The following PDGFD variants were observed in gnomAD, a reference collection of about 807,000 sequenced individuals.
PDGFD encodes platelet derived growth factor D.
In PDGFD, 30 loss-of-function variants were observed where a neutral mutation model predicts 44.7. The ratio of observed to expected loss-of-function variants is 0.67; its 90% CI spans 0.50 to 0.91. The LOEUF (loss-of-function observed/expected upper bound fraction) is 0.91. PDGFD is among the 40% of genes least tolerant of loss of function. The pLI is 0.00. For missense variants in PDGFD, 445 were observed against 457.8 expected, an observed-to-expected ratio of 0.97 and a Z score of 0.25; for synonymous variants, 173 against 168.4, an observed-to-expected ratio of 1.03 and a Z score of -0.21.
chr11:104,039,158 T>C lies in PDGFD; in HGVS notation c.125-38903A>G, dbSNP rs1388061283. 1.8e-5 allele frequency: 3 copies of C among 167,000 alleles called. No individual in the cohort carries two copies. In the South Asian group the frequency reaches 6.2e-4, roughly 35 times the overall value. The allele number at this position is 167,000 out of a possible 1,614,324, so 10.3% of individuals were successfully genotyped here. ...AGGGGAAATGTTTCAGGACAATAAT[T>C]TATCAAAACTAGTATTAAAACAGCG... is the stretch of plus-strand genomic sequence containing the variant. On this transcript the variant is annotated intron_variant, in intron 1 of 6. Coordinates refer to ENST00000393158, the MANE Select transcript of PDGFD (RefSeq NM_025208.5).
At chr11:104,058,834 G>A (rs1284286956) in intron 1 of PDGFD, among the ~76,000 whole-genome samples, 1 of 152,150 alleles carries the variant, frequency 6.6e-6, no homozygotes, top group Non-Finnish European at 1.5e-5. Context: ...ATTCAACAAC[G>A]TGAACGAATA....
intron 1 of PDGFD, among the ~76,000 whole-genome samples, chr11:104,125,176 G>C (rs991451384): frequency 6.6e-6 from 1 of 152,078 alleles, no homozygotes; most frequent in Non-Finnish European, 1.5e-5. Context: ...CTCACTGATG[G>C]TTAGAAAATG....
intron 1 of PDGFD, among the ~76,000 whole-genome samples, chr11:104,137,307 A>G (rs756689175): frequency 2.0e-5 from 3 of 152,150 alleles, no homozygotes; most frequent in Non-Finnish European, 1.5e-5. Flanking sequence ...GAGAGATTCA[A>G]TCCTTGCTCT....
chr11:104,086,573 C>T (rs1232212003), intron 1 of PDGFD, among the ~76,000 whole-genome samples: 1 of 152,096 alleles, frequency 6.6e-6, no homozygotes, highest in Non-Finnish European at 1.5e-5. Flanking sequence ...TTAATGATTC[C>T]ATTTTTCCTC....
intron 1 of PDGFD, among the ~76,000 whole-genome samples, chr11:104,075,176 G>A (rs1296309802): frequency 6.6e-6 from 1 of 152,090 alleles, no homozygotes; most frequent in Non-Finnish European, 1.5e-5. Flanking sequence ...CACAGGTGGG[G>A]ACTATAATTT....
intron 1 of PDGFD, among the ~76,000 whole-genome samples, chr11:104,107,491 G>A (rs1861488789): frequency 6.6e-6 from 1 of 152,126 alleles, no homozygotes; most frequent in African/African-American, 2.4e-5. Context: ...ACTGTGCCTG[G>A]ATTTCTGAGT....
chr11:103,919,379 T>C (rs568257774), intron 6 of PDGFD, among the ~76,000 whole-genome samples: 1 of 151,928 alleles, frequency 6.6e-6, no homozygotes, highest in East Asian at 1.9e-4. Flanking sequence ...ATTGAGAATA[T>C]AAAAAAAGGC....
chr11:104,039,280 T>G (rs1235352684), intron 1 of PDGFD: 1 of 162,666 alleles, frequency 6.1e-6, no homozygotes, highest in Non-Finnish European at 1.5e-5. Context: ...CTAATAATTT[T>G]TTTTTTCCTG....
intron 1 of PDGFD, among the ~76,000 whole-genome samples, chr11:104,089,001 T>C: frequency 6.6e-6 from 1 of 152,062 alleles, no homozygotes; most frequent in East Asian, 1.9e-4. Flanking sequence ...TTTAAGGACT[T>C]CCAAAAGCTA....
At chr11:103,918,203 G>C (rs567393140) in intron 6 of PDGFD, among the ~76,000 whole-genome samples, 4 of 152,308 alleles carry the variant, frequency 2.6e-5, no homozygotes, top group Admixed American at 2.6e-4. Context: ...CCAAAGGCCA[G>C]TTTTGATAGT....
intron 4 of PDGFD, among the ~76,000 whole-genome samples, chr11:103,946,199 G>A (rs929867317): frequency 1.3e-5 from 2 of 152,198 alleles, no homozygotes; most frequent in African/African-American, 4.8e-5. Context: ...CAAAAACAAA[G>A]TATGGTTTAA....
chr11:104,076,620 C>T (rs1164610259), intron 1 of PDGFD, among the ~76,000 whole-genome samples: 2 of 152,136 alleles, frequency 1.3e-5, no homozygotes, highest in African/African-American at 2.4e-5. Context: ...AAAAATCAAT[C>T]CAAGGAGGCT....
intron 1 of PDGFD, among the ~76,000 whole-genome samples, chr11:104,111,848 T>A (rs991923808): frequency 3.3e-5 from 5 of 152,124 alleles, no homozygotes; most frequent in African/African-American, 1.2e-4. Context: ...GTAAAACAGG[T>A]CAGATATTTA....
chr11:104,064,180 C>T (rs1396800046), intron 1 of PDGFD, among the ~76,000 whole-genome samples: 2 of 152,208 alleles, frequency 1.3e-5, no homozygotes, highest in African/African-American at 2.4e-5. Flanking sequence ...GTTGCCTTTA[C>T]AATGTGTTCT....
intron 3 of PDGFD, among the ~76,000 whole-genome samples, chr11:103,953,492 T>G (rs912236339): frequency 6.6e-6 from 1 of 151,956 alleles, no homozygotes; most frequent in African/African-American, 2.4e-5. Flanking sequence ...TTTGTACACA[T>G]GTTTTAAAAT....
At chr11:104,144,390 C>A (rs1862130569) in intron 1 of PDGFD, among the ~76,000 whole-genome samples, 1 of 151,302 alleles carries the variant, frequency 6.6e-6, no homozygotes, top group Admixed American at 6.6e-5. Flanking sequence ...CCTGTAATCC[C>A]AGCTACTCGG....
Position 103,943,584 on chromosome 11 carries a change from T to A in PDGFD, c.640A>T (p.Ile214Phe). 6.2e-7 allele frequency: 1 copy of A among 1,613,124 alleles called. No individual in the cohort carries two copies. Among genetic ancestry groups the A allele is most frequent in the Non-Finnish European group, 8.5e-7 (1 of 1,179,486 alleles). The change falls in exon 5 of 7, where the codon ATT becomes TTT. Residue 214 changes from isoleucine (I) to phenylalanine (F), a missense_variant. Ile to Phe is a conservative substitution (Grantham distance 21, BLOSUM62 0). Coordinates refer to ENST00000393158, the MANE Select transcript of PDGFD (RefSeq NM_025208.5). ...TLIADALDKK[I>F]AEFDTVEDLL... ...TCTTCCACTGTATCAAATTCTGCAA[T>A]TTTTTTGTCCAGAGCATCCGCAATC...
rs1034618932 is a variant in PDGFD at position 103,908,751 on chromosome 11, A to T, written c.*943T>A. On this transcript the variant is annotated 3_prime_UTR_variant, in exon 7 of 7. Coordinates refer to ENST00000393158, the MANE Select transcript of PDGFD (RefSeq NM_025208.5). Reference sequence around the variant, plus strand: ...TAATTTCCAGTTACGTCGATGTTTCAATGTTCACTTTTTAAGTTCTCAACT... The same window carrying T: ...TAATTTCCAGTTACGTCGATGTTTCTATGTTCACTTTTTAAGTTCTCAACT... The T allele has an allele frequency of 3.3e-5, 5 of 152,144 alleles. No homozygotes were observed. Among genetic ancestry groups the T allele is most frequent in the Non-Finnish European group, 7.4e-5 (5 of 68,018 alleles). 9.4% of individuals were successfully genotyped at this position (152,144 alleles called of 1,614,324 possible).
chr11:104,003,678 G>T (rs78323933), intron 1 of PDGFD, among the ~76,000 whole-genome samples: 1,698 of 152,324 alleles, frequency 0.011, 26 homozygotes, highest in African/African-American at 0.039. Flanking sequence ...TTTTGAAGTG[G>T]TGATGAGTAA....
Sources: gnomAD v4.1 joint callset for allele counts (sites outside exome capture counted in the v4.1 genomes callset) on GRCh38, gnomAD v4.1.1 for gene constraint, MANE v1.5 for transcripts, NCBI Gene and HGNC (gene_info 2026-07-23, HGNC 2026-07-21) for gene names.